SIPA1L2: variants seen among roughly 807,000 people sequenced by gnomAD.
SIPA1L2 encodes signal induced proliferation associated 1 like 2.
Under a neutral mutation model 163.9 loss-of-function variants are expected in SIPA1L2, and 56 were observed. The observed-to-expected ratio is 0.34, with a 90% CI of 0.28 to 0.43. The LOEUF is 0.43. SIPA1L2 is among the 20% of genes least tolerant of loss of function. SIPA1L2 has a pLI of 1.00. For synonymous variants in SIPA1L2, 877 were observed against 865.7 expected, an observed-to-expected ratio of 1.01 and a Z score of -0.23; for missense variants, 1,974 against 2,193.5, an observed-to-expected ratio of 0.90 and a Z score of 2.00.
At chr1:232,425,451 A>G in intron 18 of SIPA1L2, 138 bp downstream of exon 18, 1 of 623,630 alleles carries the variant, frequency 1.6e-6, no homozygotes, top group Non-Finnish European at 2.4e-6. Flanking sequence ...AAAATTATTT[A>G]AAACACCAAA....
chr1:232,483,694 C>T, intron 6 of SIPA1L2, 98 bp downstream of exon 6: 2 of 1,353,666 alleles, frequency 1.5e-6, no homozygotes, highest in Non-Finnish European at 2.1e-6. Context: ...GCTTCTGGGG[C>T]CGGGAACAGG....
chr1:232,515,779 T>C (rs1243160203), intron 2 of SIPA1L2, among the ~76,000 whole-genome samples, 171 bp from the exon 3 acceptor site: 2 of 152,202 alleles, frequency 1.3e-5, no homozygotes, highest in South Asian at 2.1e-4. Context: ...CTTCTCTACA[T>C]AGCTAGATAA....
chr1:232,587,317 C>G (rs971253564), intron 1 of SIPA1L2, among the ~76,000 whole-genome samples: 1 of 152,150 alleles, frequency 6.6e-6, no homozygotes, highest in African/African-American at 2.4e-5. Flanking sequence ...TGGCCCCACA[C>G]GTCTATCACC....
chr1:232,398,745 C>G lies in SIPA1L2; in HGVS notation c.*382G>C, dbSNP rs1486765226. On this transcript the variant is annotated 3_prime_UTR_variant, in exon 23 of 23. Coordinates refer to ENST00000674635, the MANE Select transcript of SIPA1L2 (RefSeq NM_020808.5). ...TTATTTTACAATACTAAAGCCCAAA[C>G]TATGGTAAATTGCTTTACATCTCTA... is the stretch of plus-strand genomic sequence containing the variant. The G allele has an allele frequency of 5.9e-6, 1 of 169,482 alleles. No homozygotes were observed. The highest frequency in any genetic ancestry group is 1.3e-5 in the Non-Finnish European group (1 of 78,734). The allele number at this position is 169,482 out of a possible 1,614,324, so 10.5% of individuals were successfully genotyped here. A position where few individuals can be genotyped will look rare whatever the true frequency, so the allele number is the denominator to read the frequency against.
intron 19 of SIPA1L2, among the ~76,000 whole-genome samples, chr1:232,408,177 T>A (rs1660748489): frequency 6.6e-6 from 1 of 152,112 alleles, no homozygotes; most frequent in Non-Finnish European, 1.5e-5. Context: ...CTGCATACAT[T>A]AAAACAAAGT....
chr1:232,442,507 C>T (rs1466901708), intron 12 of SIPA1L2, among the ~76,000 whole-genome samples: 1 of 147,030 alleles, frequency 6.8e-6, no homozygotes, highest in Non-Finnish European at 1.5e-5. Context: ...AAGATCATGC[C>T]ATTGCACTCC....
At chr1:232,566,515 C>A (rs564450195) in intron 2 of SIPA1L2, among the ~76,000 whole-genome samples, 1 of 152,158 alleles carries the variant, frequency 6.6e-6, no homozygotes, top group South Asian at 2.1e-4. Flanking sequence ...TTTTCACTAA[C>A]GGAATATACA....
chr1:232,401,044 C>T lies in SIPA1L2; in HGVS notation c.5022+1348G>A, dbSNP rs572024185. On this transcript the variant is annotated intron_variant, in intron 22 of 22. Transcript: ENST00000674635. ...ATTCCCCAGCAGTGACATTATTTCTCTTCAACCAGCCTGGACTCCAGGTTC... is the reference window on the plus strand; with the variant it reads ...ATTCCCCAGCAGTGACATTATTTCTTTTCAACCAGCCTGGACTCCAGGTTC... 2.0e-5 allele frequency among the ~76,000 whole-genome samples: 3 copies of T among 152,314 alleles called. No individual in the cohort carries two copies. In the East Asian group the frequency reaches 5.8e-4, roughly 29 times the overall value.
intron 18 of SIPA1L2, among the ~76,000 whole-genome samples, chr1:232,424,811 T>C (rs1326202063): frequency 3.9e-5 from 6 of 152,186 alleles, no homozygotes; most frequent in African/African-American, 9.7e-5. Context: ...GTTCTAAAGA[T>C]ATTTTCTGTG....
chr1:232,551,163 T>C (rs568926218), intron 2 of SIPA1L2, among the ~76,000 whole-genome samples: 316 of 152,224 alleles, frequency 2.1e-3, no homozygotes, highest in Non-Finnish European at 3.8e-3. Flanking sequence ...GAAGATTAGA[T>C]GAGATAGCAG....
At chr1:232,597,587 G>C (rs975836402) in intron 1 of SIPA1L2, among the ~76,000 whole-genome samples, 7 of 151,238 alleles carry the variant, frequency 4.6e-5, no homozygotes, top group Non-Finnish European at 8.8e-5. Flanking sequence ...CTACTCAGGA[G>C]GCTGAGGCAG....
intron 10 of SIPA1L2, among the ~76,000 whole-genome samples, chr1:232,457,429 T>A (rs149350360): frequency 4.6e-5 from 7 of 152,306 alleles, no homozygotes; most frequent in South Asian, 2.1e-4. Context: ...CTTCATAGTG[T>A]TTATGTTAAA....
chr1:232,487,869 T>G (rs536071835), intron 5 of SIPA1L2, among the ~76,000 whole-genome samples: 24 of 151,662 alleles, frequency 1.6e-4, no homozygotes, highest in African/African-American at 5.6e-4. Context: ...CAAACCAGGA[T>G]GGACTGCAAA....
At chr1:232,623,490 C>T (rs956299265) in intron 1 of SIPA1L2, among the ~76,000 whole-genome samples, 3 of 152,142 alleles carry the variant, frequency 2.0e-5, no homozygotes, top group Non-Finnish European at 4.4e-5. Flanking sequence ...CACCTGTAGT[C>T]CCAGCTTCTT....
intron 2 of SIPA1L2, among the ~76,000 whole-genome samples, chr1:232,552,120 G>A (rs1558263367): frequency 6.6e-6 from 1 of 152,152 alleles, no homozygotes; most frequent in African/African-American, 2.4e-5. Context: ...GATTACAGGC[G>A]TGAGCCACCA....
intron 2 of SIPA1L2, among the ~76,000 whole-genome samples, chr1:232,519,461 C>G (rs778080890): frequency 6.6e-6 from 1 of 151,212 alleles, no homozygotes; most frequent in Admixed American, 6.6e-5. Flanking sequence ...ACATGGAAAC[C>G]GTGCAATCTA....
intron 16 of SIPA1L2, among the ~76,000 whole-genome samples, chr1:232,430,542 A>G (rs1193190383): frequency 6.6e-6 from 1 of 152,218 alleles, no homozygotes; most frequent in Non-Finnish European, 1.5e-5. Context: ...TTTTCTAAGC[A>G]TATCTTTCAG....
At chr1:232,531,791 G>A (rs1038172926) in intron 2 of SIPA1L2, among the ~76,000 whole-genome samples, 4 of 152,110 alleles carry the variant, frequency 2.6e-5, no homozygotes, top group South Asian at 2.1e-4. Flanking sequence ...CGGTATGGGC[G>A]TTAACGGAAG....
At chr1:232,502,789 C>A (rs904813046) in intron 3 of SIPA1L2, among the ~76,000 whole-genome samples, 1 of 152,202 alleles carries the variant, frequency 6.6e-6, no homozygotes, top group African/African-American at 2.4e-5. Context: ...CAGTAGGTTA[C>A]CTGGATGTGT....
Sources: gnomAD v4.1 joint callset for allele counts (sites outside exome capture counted in the v4.1 genomes callset) on GRCh38, gnomAD v4.1.1 for gene constraint, MANE v1.5 for transcripts, NCBI Gene and HGNC (gene_info 2026-07-23, HGNC 2026-07-21) for gene names.